The following AKAP19 variants were observed in gnomAD, a reference collection of about 807,000 sequenced individuals.
The protein encoded by AKAP19 is A-kinase anchoring protein 19.
the AKAP19 span, among the ~76,000 whole-genome samples, chr2:190,187,657 CACA>C: frequency 1.3e-5 from 2 of 152,068 alleles, no homozygotes; most frequent in African/African-American, 4.8e-5. Flanking sequence ...GCCAGGAGTT[CACA>C]ACCAGCCTGG....
the AKAP19 span, among the ~76,000 whole-genome samples, chr2:189,962,533 C>T: frequency 1.3e-5 from 2 of 152,078 alleles, no homozygotes; most frequent in African/African-American, 4.8e-5. Context: ...TAACAGATAA[C>T]GTGAGTTCTC....
At chr2:190,199,115 T>TAACA in the AKAP19 span, among the ~76,000 whole-genome samples, 1 of 152,214 alleles carries the variant, frequency 6.6e-6, no homozygotes, top group Non-Finnish European at 1.5e-5. Flanking sequence ...AGCCAGACTC[T>TAACA]AACAGTAGTC....
the AKAP19 span, among the ~76,000 whole-genome samples, chr2:190,132,327 A>C: frequency 6.6e-6 from 1 of 152,238 alleles, no homozygotes; most frequent in Admixed American, 6.5e-5. Flanking sequence ...AGAGACCCTG[A>C]ATAGCGAATG....
chr2:190,104,746 C>T, the AKAP19 span, among the ~76,000 whole-genome samples: 3 of 152,080 alleles, frequency 2.0e-5, no homozygotes, highest in Admixed American at 6.6e-5. Flanking sequence ...CCATGACCTG[C>T]ACCACCGCAC....
the AKAP19 span, among the ~76,000 whole-genome samples, chr2:190,101,626 A>T: frequency 6.6e-6 from 1 of 152,162 alleles, no homozygotes; most frequent in Non-Finnish European, 1.5e-5. Flanking sequence ...AGAAGACTTA[A>T]CTATTCTAAA....
the AKAP19 span, among the ~76,000 whole-genome samples, chr2:190,012,969 T>C: frequency 6.6e-6 from 1 of 152,206 alleles, no homozygotes; most frequent in Non-Finnish European, 1.5e-5. Flanking sequence ...TACTTGAATA[T>C]ATTGAGTGAT....
At chr2:189,943,789 C>T in the AKAP19 span, among the ~76,000 whole-genome samples, 2 of 152,214 alleles carry the variant, frequency 1.3e-5, no homozygotes, top group Admixed American at 6.5e-5. Flanking sequence ...GATATGGAGT[C>T]ACTGGAGATT....
chr2:189,926,609 C>A, the AKAP19 span, among the ~76,000 whole-genome samples: 2 of 77,982 alleles, frequency 2.6e-5, no homozygotes, highest in Admixed American at 1.8e-4. Flanking sequence ...TTTTTTGAGA[C>A]GGATTCTGTC....
At chr2:190,069,136 A>ATGTGTGTGTG in the AKAP19 span, among the ~76,000 whole-genome samples, 292 of 127,706 alleles carry the variant, frequency 2.3e-3, 3 homozygotes, top group African/African-American at 8.6e-3. Context: ...GTGCATGCAT[A>ATGTGTGTGTG]TGTGTGTGTG....
chr2:189,898,156 C>G, the AKAP19 span, among the ~76,000 whole-genome samples: 2 of 150,680 alleles, frequency 1.3e-5, no homozygotes, highest in African/African-American at 4.9e-5. Context: ...GAACTGTGAT[C>G]ATGCCAGCCT....
the AKAP19 span, among the ~76,000 whole-genome samples, chr2:190,012,300 T>A: frequency 4.6e-5 from 1 of 21,876 alleles, no homozygotes; most frequent in East Asian, 1.4e-3. Flanking sequence ...AATTTCTGTA[T>A]TTTTTGTACA....
the AKAP19 span, among the ~76,000 whole-genome samples, chr2:189,927,589 C>T: frequency 6.6e-6 from 1 of 152,162 alleles, no homozygotes; most frequent in African/African-American, 2.4e-5. Flanking sequence ...ATTGCTTTAC[C>T]ATTCTTTCTT....
the AKAP19 span, among the ~76,000 whole-genome samples, chr2:189,992,472 A>G: frequency 6.6e-6 from 1 of 152,074 alleles, no homozygotes; most frequent in Non-Finnish European, 1.5e-5. Context: ...CCTCCAGTGT[A>G]TTCTTTTTGC....
chr2:190,107,017 A>G, the AKAP19 span, among the ~76,000 whole-genome samples: 2 of 152,232 alleles, frequency 1.3e-5, no homozygotes, highest in Non-Finnish European at 2.9e-5. Context: ...CTGCCAAGTA[A>G]TCTTTGGCAA....
chr2:190,016,360 A>C, the AKAP19 span, among the ~76,000 whole-genome samples: 2 of 152,178 alleles, frequency 1.3e-5, no homozygotes, highest in African/African-American at 4.8e-5. Flanking sequence ...CAGAGAGCCA[A>C]GGTGTGAAGG....
chr2:190,022,111 A>G, the AKAP19 span, among the ~76,000 whole-genome samples: 1 of 152,162 alleles, frequency 6.6e-6, no homozygotes, highest in African/African-American at 2.4e-5. Flanking sequence ...TAATTAATCC[A>G]TTCATGAAGG....
At chr2:190,029,608 G>T in the AKAP19 span, among the ~76,000 whole-genome samples, 1 of 152,222 alleles carries the variant, frequency 6.6e-6, no homozygotes. Flanking sequence ...GTTGTAAAAG[G>T]TCAGGTAGTA....
chr2:189,892,654 A>G, the AKAP19 span, among the ~76,000 whole-genome samples: 1 of 152,182 alleles, frequency 6.6e-6, no homozygotes, highest in African/African-American at 2.4e-5. Context: ...GCTCTCCTGT[A>G]TGAGGTGTCT....
chr2:189,894,028 T>C, the AKAP19 span, among the ~76,000 whole-genome samples: 1 of 152,184 alleles, frequency 6.6e-6, no homozygotes, highest in South Asian at 2.1e-4. Flanking sequence ...AAGGCCACAT[T>C]ATACGGATGG....
Sources: gnomAD v4.1 joint callset for allele counts (sites outside exome capture counted in the v4.1 genomes callset) on GRCh38, gnomAD v4.1.1 for gene constraint, MANE v1.5 for transcripts, NCBI Gene and HGNC (gene_info 2026-07-23, HGNC 2026-07-21) for gene names.